The following GRID2 variants were observed in gnomAD, a reference collection of about 807,000 sequenced individuals.
The protein encoded by GRID2 is glutamate receptor ionotropic, delta-2.
Under a neutral mutation model 114.8 loss-of-function variants are expected in GRID2, and 33 were observed. The observed-to-expected ratio is 0.29, with a 90% CI of 0.22 to 0.38. The LOEUF (loss-of-function observed/expected upper bound fraction) is 0.38. Among genes scored for constraint, GRID2 ranks in the 10% least tolerant of loss-of-function variants. The probability of loss-of-function intolerance (pLI) is 1.00; values close to 1 mark genes in which losing one functional copy is unlikely to be tolerated. For missense variants in GRID2, 1,184 were observed against 1,257.7 expected, an observed-to-expected ratio of 0.94 and a Z score of 0.89; for synonymous variants, 505 against 449.9, an observed-to-expected ratio of 1.12 and a Z score of -1.55.
chr4:93,409,570 TAGAAAGAG>T lies in GRID2; in HGVS notation c.1348-13191_1348-13184del, dbSNP rs565353276. ...GATATAAAGCATTTTTTAGGTATAG[TAGAAAGAG>T]AGAAAGAGAAAGCAACAGGCACACA... On this transcript the variant is annotated intron_variant, in intron 9 of 15. Coordinates refer to ENST00000282020, the MANE Select transcript of GRID2 (RefSeq NM_001510.4). Among the ~76,000 whole-genome samples, 931 of 152,154 alleles carry T rather than the reference TAGAAAGAG, an allele frequency of 6.1e-3. 4 individuals carry two copies. Among genetic ancestry groups the T allele is most frequent in the Non-Finnish European group, 9.4e-3 (642 of 68,000 alleles).
At chr4:93,431,871 A>C (rs1307604183) in intron 10 of GRID2, among the ~76,000 whole-genome samples, 1 of 152,220 alleles carries the variant, frequency 6.6e-6, no homozygotes, top group Non-Finnish European at 1.5e-5. Flanking sequence ...ACTCCATCAA[A>C]AATGATTAAA....
intron 2 of GRID2, among the ~76,000 whole-genome samples, chr4:92,945,110 C>T (rs1378040294): frequency 6.6e-6 from 1 of 152,142 alleles, no homozygotes; most frequent in East Asian, 1.9e-4. Context: ...GTAAGTCCCT[C>T]ATTCAGTGAC....
At chr4:93,285,995 A>G (rs971367487) in intron 8 of GRID2, among the ~76,000 whole-genome samples, 2 of 152,080 alleles carry the variant, frequency 1.3e-5, no homozygotes, top group African/African-American at 4.8e-5. Context: ...TAAGCTGTGT[A>G]GTTTATTTGG....
At chr4:93,310,460 G>A (rs1006617654) in intron 8 of GRID2, among the ~76,000 whole-genome samples, 5 of 152,154 alleles carry the variant, frequency 3.3e-5, no homozygotes, top group African/African-American at 9.7e-5. Flanking sequence ...GAACCCGGGA[G>A]ATGGAGGTTG....
rs946093922 is a variant in GRID2 at position 92,884,538 on chromosome 4, G to A, written c.245-200457G>A. On this transcript the variant is annotated intron_variant, in intron 2 of 15. Coordinates refer to ENST00000282020, the MANE Select transcript of GRID2 (RefSeq NM_001510.4). The stretch of plus-strand genomic sequence containing the variant: ...TGCCTTCCTCTTGAGGCTTAATTGT[G>A]TCTAGTTTTGATTTTAAAATAAGGG... 1.7e-4 allele frequency: 27 copies of A among 155,552 alleles called. 1 individual carries two copies. The highest frequency in any genetic ancestry group is 1.4e-5 in the Non-Finnish European group (1 of 70,230). The allele number at this position is 155,552 out of a possible 1,614,324, so 9.6% of individuals were successfully genotyped here. A position where few individuals can be genotyped will look rare whatever the true frequency, so the allele number is the denominator to read the frequency against.
intron 13 of GRID2, among the ~76,000 whole-genome samples, chr4:93,569,335 G>A (rs919721925): frequency 6.6e-6 from 1 of 152,048 alleles, no homozygotes; most frequent in Non-Finnish European, 1.5e-5. Context: ...TGCTTCTGGA[G>A]AAGCCTACTC....
chr4:92,905,003 A>G (rs1426310312), intron 2 of GRID2, among the ~76,000 whole-genome samples: 1 of 152,076 alleles, frequency 6.6e-6, no homozygotes, highest in Non-Finnish European at 1.5e-5. Context: ...TGCTACATCA[A>G]TATAAGCAGT....
intron 1 of GRID2, among the ~76,000 whole-genome samples, chr4:92,320,628 C>T (rs1726262992): frequency 6.6e-6 from 1 of 152,040 alleles, no homozygotes; most frequent in South Asian, 2.1e-4. Flanking sequence ...GCACACGCCA[C>T]CAACATGCCT....
chr4:93,304,432 T>A (rs946600298), intron 8 of GRID2, among the ~76,000 whole-genome samples: 1 of 151,906 alleles, frequency 6.6e-6, no homozygotes, highest in African/African-American at 2.4e-5. Flanking sequence ...AGGTGCTTTT[T>A]TCCCCCCTTA....
intron 1 of GRID2, among the ~76,000 whole-genome samples, chr4:92,409,560 AT>A (rs938310052): frequency 5.3e-5 from 8 of 152,194 alleles, no homozygotes; most frequent in African/African-American, 1.9e-4. Context: ...ATTTCTCAAA[AT>A]TAGGACTATA....
intron 1 of GRID2, among the ~76,000 whole-genome samples, chr4:92,344,869 A>G (rs761549432): frequency 2.6e-5 from 4 of 152,056 alleles, no homozygotes; most frequent in Non-Finnish European, 5.9e-5. Flanking sequence ...AAATGTAGGG[A>G]GTTAGATACC....
intron 14 of GRID2, among the ~76,000 whole-genome samples, chr4:93,768,656 T>A (rs1171874293): frequency 6.6e-6 from 1 of 152,206 alleles, no homozygotes; most frequent in African/African-American, 2.4e-5. Flanking sequence ...TTGAAACTTA[T>A]CCCAAGGCTT....
intron 13 of GRID2, among the ~76,000 whole-genome samples, chr4:93,620,927 C>G (rs1374708363): frequency 6.6e-6 from 1 of 152,028 alleles, no homozygotes; most frequent in Non-Finnish European, 1.5e-5. Context: ...ATTAATTTCC[C>G]TTTTCTTTTA....
At chr4:92,424,176 T>C (rs897295081) in intron 1 of GRID2, among the ~76,000 whole-genome samples, 11 of 152,084 alleles carry the variant, frequency 7.2e-5, no homozygotes, top group Admixed American at 5.9e-4. Flanking sequence ...TGATCCAAGA[T>C]AAACTTCATT....
At chr4:92,859,152 C>G (rs968748323) in intron 2 of GRID2, among the ~76,000 whole-genome samples, 1 of 152,108 alleles carries the variant, frequency 6.6e-6, no homozygotes, top group African/African-American at 2.4e-5. Context: ...AAAATTGCCT[C>G]AGCCCCCCAA....
chr4:93,569,514 C>A (rs1250211871), intron 13 of GRID2, among the ~76,000 whole-genome samples: 1 of 152,136 alleles, frequency 6.6e-6, no homozygotes, highest in African/African-American at 2.4e-5. Context: ...CAACCCCAAT[C>A]CATTTTCTGC....
At chr4:93,331,819 T>TTCAG (rs1758495648) in intron 8 of GRID2, among the ~76,000 whole-genome samples, 1 of 152,064 alleles carries the variant, frequency 6.6e-6, no homozygotes, top group South Asian at 2.1e-4. Flanking sequence ...CTTAAAAGGG[T>TTCAG]TCAGTTAGCA....
intron 1 of GRID2, among the ~76,000 whole-genome samples, chr4:92,490,297 G>T (rs1432638575): frequency 6.6e-5 from 10 of 152,164 alleles, no homozygotes. Flanking sequence ...TGAGAACACA[G>T]AAATAGAGTT....
intron 1 of GRID2, among the ~76,000 whole-genome samples, chr4:92,481,388 G>A (rs1212955841): frequency 6.6e-6 from 1 of 152,122 alleles, no homozygotes; most frequent in Non-Finnish European, 1.5e-5. Context: ...AGGAATTTAT[G>A]TGAATCACAG....
Sources: allele counts gnomAD v4.1 joint callset (sites outside exome capture counted in the v4.1 genomes callset), GRCh38; gene constraint gnomAD v4.1.1; transcripts MANE v1.5; gene names NCBI Gene and HGNC (gene_info 2026-07-23, HGNC 2026-07-21).